The following MCF2L2 variants were observed in gnomAD, a reference collection of about 807,000 sequenced individuals.
The protein encoded by MCF2L2 is probable guanine nucleotide exchange factor MCF2L2.
In MCF2L2, 102 loss-of-function variants were observed where a neutral mutation model predicts 150.2. That is an observed-to-expected ratio of 0.68 (90% confidence interval 0.58 to 0.80). MCF2L2 has a LOEUF of 0.80. MCF2L2 is among the 30% of genes least tolerant of loss of function. The probability of loss-of-function intolerance (pLI) is 0.00; values close to 1 mark genes in which losing one functional copy is unlikely to be tolerated. For missense variants in MCF2L2, 1,256 were observed against 1,372.8 expected (o/e 0.91, Z 1.34); for synonymous variants, 465 against 491.3 (o/e 0.95, Z 0.71).
intron 3 of MCF2L2, among the ~76,000 whole-genome samples, chr3:183,350,436 T>C (rs1197511291): frequency 6.6e-6 from 1 of 152,186 alleles, no homozygotes; most frequent in African/African-American, 2.4e-5. Flanking sequence ...TCTTGTTCTT[T>C]TTAACACCAA....
chr3:183,407,830 TAGG>T (rs1473826305), intron 1 of MCF2L2, among the ~76,000 whole-genome samples: 1 of 152,108 alleles, frequency 6.6e-6, no homozygotes, highest in Non-Finnish European at 1.5e-5. Flanking sequence ...GAATGAAGAA[TAGG>T]AGGATGAGAA....
Position 183,227,128 on chromosome 3 carries a change from T to C in MCF2L2, c.2115+1169A>G, listed in dbSNP as rs1376006350. On this transcript the variant is annotated intron_variant, in intron 18 of 29. Coordinates refer to ENST00000328913, the MANE Select transcript of MCF2L2 (RefSeq NM_015078.4). This position sits in a 1 kb window ranked among gnomAD's most constrained non-coding sequence, Gnocchi z 4.0. The stretch of plus-strand genomic sequence containing the variant: ...ATCTGTTGCCTTGGGTTCACAAAAA[T>C]AAAAATAAGAAAGAGAATGAGAAGG... 2.6e-5 allele frequency: 4 copies of C among 151,962 alleles called. No individual in the cohort carries two copies. The East Asian group carries it at 7.7e-4, about 29-fold the overall frequency. 9.4% of individuals were successfully genotyped at this position (151,962 alleles called of 1,614,324 possible).
At chr3:183,259,019 C>T (rs556552047) in intron 15 of MCF2L2, among the ~76,000 whole-genome samples, 4 of 152,276 alleles carry the variant, frequency 2.6e-5, no homozygotes, top group South Asian at 2.1e-4. Flanking sequence ...AGTACAGACA[C>T]GACCATAAAT....
At chr3:183,422,505 A>T (rs1446795015) in intron 1 of MCF2L2, among the ~76,000 whole-genome samples, 1 of 152,158 alleles carries the variant, frequency 6.6e-6, no homozygotes, top group Admixed American at 6.5e-5. Flanking sequence ...ACCTGGGATA[A>T]AGCTTCTGTC....
At chr3:183,276,336 A>C (rs1466026802) in intron 15 of MCF2L2, among the ~76,000 whole-genome samples, 2 of 152,238 alleles carry the variant, frequency 1.3e-5, no homozygotes, top group Non-Finnish European at 2.9e-5. Context: ...CAAGTCAACC[A>C]GCGTGGGTAT....
In MCF2L2 at chr3:183,309,122, A is replaced by C. The variant is rs530237075; in HGVS notation, c.1113+594T>G. On this transcript the variant is annotated intron_variant, in intron 10 of 29. Coordinates refer to ENST00000328913, the MANE Select transcript of MCF2L2 (RefSeq NM_015078.4). ...TGTTTAATTCCAGTATGGGACTGTA[A>C]AATACATATTCTTTTACAAGTTTCA... is the stretch of plus-strand genomic sequence containing the variant. 2.6e-5 allele frequency among the ~76,000 whole-genome samples: 4 copies of C among 152,316 alleles called. No individual in the cohort carries two copies. The East Asian group carries it at 7.7e-4, about 29-fold the overall frequency.
In MCF2L2 at chr3:183,276,925, C is replaced by G. The variant is rs1409826387; in HGVS notation, c.1809G>C (p.Arg603Ser). ...SEEIFESHHE[R>S]GNPELEQQAR... ...CCTGCTGCTCCAGCTCAGGGTTCCC[C>G]CTTTCATGATGGCTTTCAAAGATTT... The change falls in exon 15 of 30, where the codon AGG becomes AGC. Residue 603 changes from arginine (R) to serine (S), a missense_variant. Arg to Ser is a moderately radical substitution (Grantham distance 110). Transcript: ENST00000328913. The G allele has an allele frequency of 1.9e-6, 3 of 1,610,260 alleles. No individual in the cohort carries two copies. Among genetic ancestry groups the G allele is most frequent in the Non-Finnish European group, 2.5e-6 (3 of 1,178,164 alleles).
At chr3:183,423,648 T>C (rs1349016678) in intron 1 of MCF2L2, among the ~76,000 whole-genome samples, 4 of 145,518 alleles carry the variant, frequency 2.7e-5, no homozygotes, top group Non-Finnish European at 6.0e-5. Context: ...TTTTTTTTTT[T>C]TTTTTTTTGA....
intron 5 of MCF2L2, among the ~76,000 whole-genome samples, chr3:183,336,366 G>A (rs1017006252): frequency 1.3e-5 from 2 of 151,946 alleles, no homozygotes; most frequent in African/African-American, 4.8e-5. Flanking sequence ...CTTTTCTGTT[G>A]AGTTTGAAAT....
intron 22 of MCF2L2, among the ~76,000 whole-genome samples, chr3:183,211,943 TC>T (rs1272754106): frequency 6.6e-6 from 1 of 152,002 alleles, no homozygotes; most frequent in Non-Finnish European, 1.5e-5. Context: ...GGAAAGAGGG[TC>T]TTTGCAGATA....
chr3:183,316,830 T>C (rs1200723082), intron 7 of MCF2L2, among the ~76,000 whole-genome samples: 1 of 151,982 alleles, frequency 6.6e-6, no homozygotes, highest in Non-Finnish European at 1.5e-5. Context: ...CTCAGCCTCC[T>C]GAGTAGCTGG....
rs56094032 is a variant in MCF2L2 at position 183,394,931 on chromosome 3, T to C, written c.77-5152A>G. On this transcript the variant is annotated intron_variant, in intron 1 of 29. Transcript: ENST00000328913. ...TTCTCAATCTTTTACCTGGTGATTATTGAGCACTTATGTGGTCGATTCCAT... is the reference window on the plus strand; with the variant it reads ...TTCTCAATCTTTTACCTGGTGATTACTGAGCACTTATGTGGTCGATTCCAT... 8.3e-3 allele frequency among the ~76,000 whole-genome samples: 1,260 copies of C among 152,324 alleles called. 27 individuals are homozygous for C. The highest frequency in any genetic ancestry group is 0.029 in the African/African-American group (1,193 of 41,568).
At chr3:183,393,192 C>CT (rs11390628) in intron 1 of MCF2L2, among the ~76,000 whole-genome samples, 52,293 of 131,974 alleles carry the variant, frequency 0.4, 10,535 homozygotes, top group Non-Finnish European at 0.44. Context: ...AAACTTGTCT[C>CT]TTTTTTTTTT....
intron 15 of MCF2L2, among the ~76,000 whole-genome samples, chr3:183,234,483 A>G (rs993831341): frequency 6.6e-6 from 1 of 152,182 alleles, no homozygotes; most frequent in African/African-American, 2.4e-5. Flanking sequence ...CAACTGCTTC[A>G]TTTTACCTGT....
At chr3:183,218,806 T>C (rs921284051) in intron 21 of MCF2L2, among the ~76,000 whole-genome samples, 8 of 152,116 alleles carry the variant, frequency 5.3e-5, no homozygotes, top group Admixed American at 2.6e-4. Context: ...TTTTGAACTG[T>C]ATAATGTAGG....
chr3:183,350,689 G>A (rs1731077598), intron 3 of MCF2L2, among the ~76,000 whole-genome samples: 1 of 152,162 alleles, frequency 6.6e-6, no homozygotes, highest in African/African-American at 2.4e-5. Context: ...TGGATCACGA[G>A]GTCAGGAGAT....
rs185861564 is a variant in MCF2L2 at position 183,390,788 on chromosome 3, T to C, written c.77-1009A>G. Among the ~76,000 whole-genome samples, 237 of 152,282 alleles carry C rather than the reference T, an allele frequency of 1.6e-3. 4 individuals are homozygous for C. The highest frequency in any genetic ancestry group is 5.4e-3 in the African/African-American group (225 of 41,556). ...GATGTATGCCTGCGGTCCCAGCTAC[T>C]TGGGAGGCTGAGGCAGGAGAATCTC... On this transcript the variant is annotated intron_variant, in intron 1 of 29. Transcript: ENST00000328913.
chr3:183,222,552 AAAAG>A (rs1184262552), intron 20 of MCF2L2, among the ~76,000 whole-genome samples: 6 of 152,302 alleles, frequency 3.9e-5, no homozygotes, highest in East Asian at 1.9e-4. Flanking sequence ...GTCTCAAAAA[AAAAG>A]AAAGAAAGAA....
intron 1 of MCF2L2, among the ~76,000 whole-genome samples, chr3:183,401,813 G>A (rs904888955): frequency 3.3e-5 from 5 of 152,174 alleles, no homozygotes; most frequent in Admixed American, 3.3e-4. Context: ...GACAGCTACT[G>A]CTTGTTCATT....
Sources: gnomAD v4.1 joint callset for allele counts (sites outside exome capture counted in the v4.1 genomes callset) on GRCh38, gnomAD v4.1.1 for gene constraint, Gnocchi (gnomAD v3.1) non-coding constraint, MANE v1.5 for transcripts, NCBI Gene and HGNC (gene_info 2026-07-23, HGNC 2026-07-21) for gene names.